The following ZBTB20 variants were observed in gnomAD, a reference collection of about 807,000 sequenced individuals.
The protein encoded by ZBTB20 is zinc finger and BTB domain-containing protein 20.
Under a neutral mutation model 56.9 loss-of-function variants are expected in ZBTB20, and 9 were observed. The ratio of observed to expected loss-of-function variants is 0.16; its 90% CI spans 0.10 to 0.28. The LOEUF is 0.28. Among genes scored for constraint, ZBTB20 ranks in the 10% least tolerant of loss-of-function variants. The pLI, the probability that ZBTB20 is intolerant of heterozygous loss-of-function variation, is 1.00. For synonymous variants in ZBTB20, 417 were observed against 420.7 expected, an observed-to-expected ratio of 0.99 and a Z score of 0.11; for missense variants, 655 against 1,003.0, an observed-to-expected ratio of 0.65 and a Z score of 4.69.
intron 8 of ZBTB20, among the ~76,000 whole-genome samples, chr3:114,384,003 A>C (rs917753919): frequency 2.0e-5 from 3 of 152,138 alleles, no homozygotes; most frequent in African/African-American, 4.8e-5. Flanking sequence ...CGGATTTCAG[A>C]GAGGCGAACT....
At chr3:114,565,610 G>A (rs924633727) in intron 6 of ZBTB20, among the ~76,000 whole-genome samples, 2 of 152,116 alleles carry the variant, frequency 1.3e-5, no homozygotes, top group African/African-American at 4.8e-5. Context: ...TAATTATATA[G>A]TTATCAGGAG....
At chr3:115,036,306 CT>C (rs1403449390) in intron 2 of ZBTB20, among the ~76,000 whole-genome samples, 5 of 148,220 alleles carry the variant, frequency 3.4e-5, no homozygotes, top group Admixed American at 1.3e-4. Context: ...TTTTTTCTTT[CT>C]TTTTTTTTTC....
intron 7 of ZBTB20, among the ~76,000 whole-genome samples, chr3:114,470,816 T>C (rs1218266451): frequency 6.6e-6 from 1 of 152,164 alleles, no homozygotes; most frequent in African/African-American, 2.4e-5. Context: ...CCTTTCTTAA[T>C]ACAATTGGTT....
rs777161257 is a variant in ZBTB20, at chr3:115,010,382, G to T, written c.-506-35966C>A. On this transcript the variant is annotated intron_variant, in intron 2 of 11. Coordinates refer to ENST00000675478, the MANE Select transcript of ZBTB20 (RefSeq NM_001348800.3). ...TCATAGTGGTGATGGCCACAAGGGA[G>T]CTTGGGTTACTCCACCCTGCAAAGG... is the stretch of plus-strand genomic sequence containing the variant. Among the ~76,000 whole-genome samples the T allele has an allele frequency of 9.9e-5, 15 of 152,094 alleles. No individual in the cohort carries two copies. The South Asian group carries it at 1.7e-3, about 17-fold the overall frequency.
chr3:114,828,234 G>A lies in ZBTB20; in HGVS notation c.-416-27060C>T, dbSNP rs141398234. Reference sequence around the variant, plus strand: ...TATGTCTCATGACATCAAATATTGAGCACCAAGTAAGTACTGAATAAATAT... The same window carrying A: ...TATGTCTCATGACATCAAATATTGAACACCAAGTAAGTACTGAATAAATAT... On this transcript the variant is annotated intron_variant, in intron 4 of 11. Coordinates refer to ENST00000675478, the MANE Select transcript of ZBTB20 (RefSeq NM_001348800.3). 4.4e-3 allele frequency among the ~76,000 whole-genome samples: 673 copies of A among 151,576 alleles called. 3 individuals carry two copies. Among genetic ancestry groups the A allele is most frequent in the Non-Finnish European group, 7.5e-3 (510 of 67,692 alleles).
At chr3:115,145,729 C>T (rs2084944042) in intron 1 of ZBTB20, among the ~76,000 whole-genome samples, 1 of 152,100 alleles carries the variant, frequency 6.6e-6, no homozygotes, top group Admixed American at 6.5e-5. Flanking sequence ...CACAAAATAG[C>T]AAAGGGTACT....
chr3:114,607,110 AAATAAATAAATG>A (rs1312027547), intron 6 of ZBTB20, among the ~76,000 whole-genome samples: 5 of 146,238 alleles, frequency 3.4e-5, no homozygotes, highest in South Asian at 4.6e-4. Flanking sequence ...ATAAATAAAT[AAATAAATAAATG>A]AATAAATTCT....
intron 7 of ZBTB20, among the ~76,000 whole-genome samples, chr3:114,479,127 G>A (rs1459363516): frequency 2.0e-5 from 3 of 151,822 alleles, no homozygotes; most frequent in Non-Finnish European, 4.4e-5. Context: ...GAGTTTTTGT[G>A]AGTTCTATTT....
intron 6 of ZBTB20, among the ~76,000 whole-genome samples, chr3:114,656,454 T>G (rs187171312): frequency 1.3e-4 from 20 of 152,318 alleles, no homozygotes; most frequent in Admixed American, 3.9e-4. Context: ...TAATTTCATT[T>G]CTTTTTTCTT....
chr3:115,105,116 C>T (rs775001886), intron 1 of ZBTB20, among the ~76,000 whole-genome samples: 1 of 152,088 alleles, frequency 6.6e-6, no homozygotes, highest in Non-Finnish European at 1.5e-5. Flanking sequence ...AGTCATGCAA[C>T]CATCCTGAGT....
chr3:114,611,318 C>T (rs949110772), intron 6 of ZBTB20, among the ~76,000 whole-genome samples: 32 of 152,066 alleles, frequency 2.1e-4, no homozygotes, highest in African/African-American at 7.5e-4. Context: ...CTGTGCAGAT[C>T]GACACTCTAT....
Position 114,786,054 on chromosome 3 carries a change from A to C in ZBTB20, c.-343+15047T>G, listed in dbSNP as rs535790775. Among the ~76,000 whole-genome samples the C allele has an allele frequency of 3.3e-5, 5 of 152,204 alleles. No homozygotes were observed. In the East Asian group the frequency reaches 9.6e-4, roughly 29 times the overall value. On this transcript the variant is annotated intron_variant, in intron 5 of 11. Transcript: ENST00000675478. ...TGTACAGGACGTGCAGGTTTGTTAC[A>C]TAGGCAAACGTGTGCCATGGTAGTG...
At chr3:114,412,886 A>T (rs1157303505) in intron 7 of ZBTB20, among the ~76,000 whole-genome samples, 1 of 152,098 alleles carries the variant, frequency 6.6e-6, no homozygotes, top group Non-Finnish European at 1.5e-5. Flanking sequence ...TTTTGTTATG[A>T]TTCTTCCTCT....
chr3:114,351,632 T>G lies in ZBTB20; in HGVS notation c.446A>C (p.Gln149Pro). Reference sequence around the variant, plus strand: ...GAAGTCAATGAGCTTTTGCACTGACTGCACTGACACCACCGACGGGATCTC... The same window carrying G: ...GAAGTCAATGAGCTTTTGCACTGACGGCACTGACACCACCGACGGGATCTC... ...DIEIPSVVSV[Q>P]SVQKLIDFMY... Residue 149 changes from glutamine (Q) to proline (P), a missense_variant, in exon 11 of 12, where the codon CAG (glutamine) becomes CCG (proline). Physicochemically the swap from Gln to Pro is moderately conservative, Grantham distance 76. Transcript: ENST00000675478. The G allele has an allele frequency of 6.2e-7, 1 of 1,613,952 alleles. No homozygotes were observed. The highest frequency in any genetic ancestry group is 8.5e-7 in the Non-Finnish European group (1 of 1,179,984).
chr3:114,388,487 A>G (rs538858581), intron 8 of ZBTB20: 2 of 152,454 alleles, frequency 1.3e-5, no homozygotes, highest in East Asian at 3.9e-4. Context: ...TGAGCTGGAT[A>G]CAAGTGGCTT....
chr3:114,586,308 A>C (rs1306615544), intron 6 of ZBTB20, among the ~76,000 whole-genome samples: 1 of 152,200 alleles, frequency 6.6e-6, no homozygotes, highest in Admixed American at 6.5e-5. Context: ...TTTCCCATCT[A>C]GTTTATTGGA....
At chr3:115,096,878 T>C (rs1477488163) in intron 1 of ZBTB20, among the ~76,000 whole-genome samples, 1 of 152,232 alleles carries the variant, frequency 6.6e-6, no homozygotes, top group Non-Finnish European at 1.5e-5. Flanking sequence ...GGACTAATCA[T>C]TAAAATTCAA....
intron 6 of ZBTB20, among the ~76,000 whole-genome samples, chr3:114,561,234 A>G (rs1400695737): frequency 6.6e-6 from 1 of 152,204 alleles, no homozygotes; most frequent in Non-Finnish European, 1.5e-5. Context: ...GTCATCCATG[A>G]GGGTTGGAAT....
rs145902566 is a variant in ZBTB20, at chr3:114,380,175, C to T, written c.199+42G>A. 9.0e-3 allele frequency: 13,403 copies of T among 1,492,590 alleles called. 72 individuals carry two copies. The highest frequency in any genetic ancestry group is 0.011 in the Non-Finnish European group (11,860 of 1,121,390). The allele number at this position is 1,492,590 out of a possible 1,614,324, so 92.5% of individuals were successfully genotyped here. A position where few individuals can be genotyped will look rare whatever the true frequency, so the allele number is the denominator to read the frequency against. The stretch of plus-strand genomic sequence containing the variant: ...CAGAACCCAGGGTAGAAGCACTACT[C>T]CAAGCACTGCAAAGACACCATCACC... On this transcript the variant is annotated intron_variant, in intron 10 of 11. Coordinates refer to ENST00000675478, the MANE Select transcript of ZBTB20 (RefSeq NM_001348800.3).
Sources: gnomAD v4.1 joint callset for allele counts (sites outside exome capture counted in the v4.1 genomes callset) on GRCh38, gnomAD v4.1.1 for gene constraint, MANE v1.5 for transcripts, NCBI Gene and HGNC (gene_info 2026-07-23, HGNC 2026-07-21) for gene names.